ZFHX4: variants seen among roughly 807,000 people sequenced by gnomAD.
ZFHX4 encodes zinc finger homeobox 4.
In ZFHX4, 56 loss-of-function variants were observed where a neutral mutation model predicts 267.6. The observed-to-expected ratio is 0.21, with a 90% CI of 0.17 to 0.26. ZFHX4 has a LOEUF of 0.26. Among genes scored for constraint, ZFHX4 ranks in the 10% least tolerant of loss-of-function variants. The pLI is 1.00. For missense variants in ZFHX4, 4,332 were observed against 4,420.0 expected, an observed-to-expected ratio of 0.98 and a Z score of 0.56; for synonymous variants, 1,778 against 1,665.6, an observed-to-expected ratio of 1.07 and a Z score of -1.64.
At chr8:76,717,636 AC>A (rs545655690) in intron 3 of ZFHX4, among the ~76,000 whole-genome samples, 1 of 152,158 alleles carries the variant, frequency 6.6e-6, no homozygotes, top group Non-Finnish European at 1.5e-5. Context: ...TTGCTCTGTC[AC>A]CCAGGCTAGA....
At chr8:76,690,798 T>C (rs1807803412) in intron 1 of ZFHX4, among the ~76,000 whole-genome samples, 1 of 151,914 alleles carries the variant, frequency 6.6e-6, no homozygotes, top group African/African-American at 2.4e-5. Context: ...TTAGATGCAT[T>C]CCTAGTGGTA....
At chr8:76,802,560 C>T (rs993849993) in intron 4 of ZFHX4, among the ~76,000 whole-genome samples, 1 of 152,124 alleles carries the variant, frequency 6.6e-6, no homozygotes, top group Non-Finnish European at 1.5e-5. Context: ...TTTTGTGAAA[C>T]CCAAGATGCC....
chr8:76,704,038 T>A lies in ZFHX4; in HGVS notation c.-46-5T>A. The A allele has an allele frequency of 6.6e-7, 1 of 1,517,638 alleles. No individual in the cohort carries two copies. Among genetic ancestry groups the A allele is most frequent in the Non-Finnish European group, 8.8e-7 (1 of 1,134,266 alleles). The allele number at this position is 1,517,638 out of a possible 1,614,324, so 94.0% of individuals were successfully genotyped here. The stretch of plus-strand genomic sequence containing the variant: ...ATGGCTTCTCTCACCTTATTTTTTA[T>A]CCAGGTCCCTGACAGGCTGGATGAA... On this transcript the variant is annotated splice_region_variant and splice_polypyrimidine_tract_variant and intron_variant, in intron 1 of 10. Transcript: ENST00000651372.
intron 4 of ZFHX4, among the ~76,000 whole-genome samples, chr8:76,809,308 C>A (rs1339122158): frequency 6.6e-6 from 1 of 152,106 alleles, no homozygotes; most frequent in Admixed American, 6.6e-5. Flanking sequence ...GGCATTTTTG[C>A]AAGTGTGAAT....
chr8:76,806,774 T>C (rs1209825675), intron 4 of ZFHX4, among the ~76,000 whole-genome samples: 2 of 152,038 alleles, frequency 1.3e-5, no homozygotes, highest in African/African-American at 4.8e-5. Context: ...ATCCAAAATG[T>C]TTTTGATTTT....
chr8:76,823,902 C>T (rs554100941), intron 4 of ZFHX4, among the ~76,000 whole-genome samples: 1 of 152,200 alleles, frequency 6.6e-6, no homozygotes, highest in East Asian at 1.9e-4. Context: ...CGATGCATTC[C>T]ATGGCAGGAT....
chr8:76,702,658 T>C (rs893281682), intron 1 of ZFHX4, among the ~76,000 whole-genome samples: 67 of 152,208 alleles, frequency 4.4e-4, no homozygotes, highest in African/African-American at 1.5e-3. Context: ...CAATGTAATA[T>C]AGCAACATTA....
chr8:76,686,873 C>T (rs954774288), intron 1 of ZFHX4, among the ~76,000 whole-genome samples: 2 of 152,140 alleles, frequency 1.3e-5, no homozygotes, highest in African/African-American at 4.8e-5. Context: ...CCAGGTTAAG[C>T]TTTGTGTTTA....
intron 9 of ZFHX4, among the ~76,000 whole-genome samples, chr8:76,850,592 C>A (rs1812488406): frequency 6.6e-6 from 1 of 152,204 alleles, no homozygotes; most frequent in Admixed American, 6.5e-5. Context: ...TGATCTAATT[C>A]ATGAACACCA....
intron 3 of ZFHX4, among the ~76,000 whole-genome samples, chr8:76,718,160 G>T (rs1201404240): frequency 6.6e-6 from 1 of 152,182 alleles, no homozygotes; most frequent in African/African-American, 2.4e-5. Flanking sequence ...ATCAGAGATG[G>T]AGAAGGAGGA....
At chr8:76,724,232 T>A (rs1317550611) in intron 3 of ZFHX4, among the ~76,000 whole-genome samples, 1 of 152,024 alleles carries the variant, frequency 6.6e-6, no homozygotes, top group Non-Finnish European at 1.5e-5. Flanking sequence ...ACTTTGAAGG[T>A]TGCTTGTAGA....
In ZFHX4 at chr8:76,800,838, C is replaced by T. The variant is rs567275681; in HGVS notation, c.3325+22399C>T. On this transcript the variant is annotated intron_variant, in intron 4 of 10. Coordinates refer to ENST00000651372, the MANE Select transcript of ZFHX4 (RefSeq NM_024721.5). The stretch of plus-strand genomic sequence containing the variant: ...GAGTTATTCTAAAATTTGCAGTTTG[C>T]GAGCAACAGCTGTGTTTCTTAATGC... 2.4e-3 allele frequency among the ~76,000 whole-genome samples: 367 copies of T among 152,236 alleles called. 4 individuals carry two copies. The highest frequency in any genetic ancestry group is 8.4e-3 in the African/African-American group (351 of 41,544).
chr8:76,757,138 G>A (rs1304814953), intron 3 of ZFHX4, among the ~76,000 whole-genome samples: 1 of 152,124 alleles, frequency 6.6e-6, no homozygotes, highest in Non-Finnish European at 1.5e-5. Flanking sequence ...CTAGACACAA[G>A]AGGCACGAGG....
Position 76,849,823 on chromosome 8 carries a change from GCT to G in ZFHX4, c.3846+114_3846+115del, listed in dbSNP as rs1812464276. On this transcript the variant is annotated intron_variant, in intron 8 of 10. Transcript: ENST00000651372. ...ATGTATTTCTTCAGAGCTAATTAAAGCTCTGTTATTGCTCGTGTTATAGTAGT... is the reference window on the plus strand; with the variant it reads ...ATGTATTTCTTCAGAGCTAATTAAAGCTGTTATTGCTCGTGTTATAGTAGT... 2.5e-6 allele frequency: 3 copies of G among 1,197,754 alleles called. No homozygotes were observed. The East Asian group carries it at 7.7e-5, about 31-fold the overall frequency. The allele number at this position is 1,197,754 out of a possible 1,614,324, so 74.2% of individuals were successfully genotyped here. A position where few individuals can be genotyped will look rare whatever the true frequency, so the allele number is the denominator to read the frequency against.
chr8:76,690,594 T>C (rs542943790), intron 1 of ZFHX4, among the ~76,000 whole-genome samples: 4 of 152,182 alleles, frequency 2.6e-5, no homozygotes, highest in African/African-American at 7.2e-5. Context: ...AATAATGCAA[T>C]TAATACTTAA....
At chr8:76,742,084 T>G (rs1343194787) in intron 3 of ZFHX4, among the ~76,000 whole-genome samples, 1 of 152,186 alleles carries the variant, frequency 6.6e-6, no homozygotes, top group Non-Finnish European at 1.5e-5. Flanking sequence ...GCTAATGTGT[T>G]GCTAGAGGGA....
At chr8:76,708,295 T>TC (rs1342675839) in intron 3 of ZFHX4, 2 of 519,278 alleles carry the variant, frequency 3.9e-6, no homozygotes, top group Non-Finnish European at 6.8e-6. Context: ...TTCACTGGCT[T>TC]CCCCAAAATA....
intron 4 of ZFHX4, chr8:76,782,100 ATTTTTT>A (rs77420241): frequency 0.018 from 4,334 of 235,790 alleles, 5 homozygotes; most frequent in South Asian, 0.026. Context: ...TCAGTTAAGA[ATTTTTT>A]TTTTTTTTTT....
intron 10 of ZFHX4, among the ~76,000 whole-genome samples, chr8:76,862,468 T>C (rs1209579605): frequency 6.6e-6 from 1 of 152,216 alleles, no homozygotes; most frequent in Non-Finnish European, 1.5e-5. Flanking sequence ...CTAACCTTGT[T>C]CAGTCCTAGT....
Sources: allele counts gnomAD v4.1 joint callset (sites outside exome capture counted in the v4.1 genomes callset), GRCh38; gene constraint gnomAD v4.1.1; transcripts MANE v1.5; gene names NCBI Gene and HGNC (gene_info 2026-07-23, HGNC 2026-07-21).